Variants in ADAMTS19 observed in about 807,000 individuals in gnomAD.
ADAMTS19 encodes the protein A disintegrin and metalloproteinase with thrombospondin motifs 19.
A neutral mutation model predicts 153.3 loss-of-function variants in ADAMTS19; 93 were observed. That is an observed-to-expected ratio of 0.61 (90% confidence interval 0.51 to 0.72). ADAMTS19 has a LOEUF of 0.72. ADAMTS19 is among the 30% of genes least tolerant of loss of function. ADAMTS19 has a pLI of 0.00. For missense variants in ADAMTS19, 1,482 were observed against 1,552.1 expected (o/e 0.95, Z 0.76); for synonymous variants, 600 against 556.6 (o/e 1.08, Z -1.10).
At chr5:129,724,777 G>C (rs746023862) in intron 21 of ADAMTS19, among the ~76,000 whole-genome samples, 4 of 152,298 alleles carry the variant, frequency 2.6e-5, no homozygotes, top group Non-Finnish European at 5.9e-5. Flanking sequence ...TAGGGCATGA[G>C]AGATTGGTTG....
intron 20 of ADAMTS19, among the ~76,000 whole-genome samples, chr5:129,702,941 A>AAAAAAAAAAAAAATATAT: frequency 6.8e-5 from 2 of 29,300 alleles, no homozygotes; most frequent in African/African-American, 1.7e-4. Context: ...AAAAAAAAAA[A>AAAAAAAAAAAAAATATAT]ATATATATAT....
chr5:129,623,487 T>C (rs976197395), intron 10 of ADAMTS19, among the ~76,000 whole-genome samples: 62 of 152,326 alleles, frequency 4.1e-4, no homozygotes, highest in Non-Finnish European at 6.0e-4. Context: ...TTTCTGTGAA[T>C]GCCTCAAAGG....
chr5:129,590,935 T>C (rs186827866), intron 7 of ADAMTS19, among the ~76,000 whole-genome samples: 14 of 152,354 alleles, frequency 9.2e-5, no homozygotes, highest in Non-Finnish European at 1.3e-4. Context: ...ATTTCACCTG[T>C]GCAGTTCCTT....
chr5:129,575,930 G>A (rs1332524591), intron 7 of ADAMTS19, among the ~76,000 whole-genome samples: 5 of 151,936 alleles, frequency 3.3e-5, no homozygotes, highest in Admixed American at 3.3e-4. Context: ...AGAGGGATAA[G>A]ATGTGAATGT....
At position 129,461,216 on chromosome 5, in the gene ADAMTS19, T is replaced by A; in HGVS notation, c.206T>A (p.Val69Glu). Residue 69 changes from valine to glutamate, a missense_variant, in exon 2 of 23, where the codon GTG (valine) becomes GAG (glutamate). Coordinates refer to ENST00000274487, the MANE Select transcript of ADAMTS19 (RefSeq NM_133638.6). This position sits in a 1 kb window ranked among gnomAD's most constrained non-coding sequence, Gnocchi z 4.6. ...GSGGSADPGW[V>E]RGVGGGGSAR... ...GGGGGCAGCGCGGACCCGGGCTGGGTGCGCGGCGTTGGGGGCGGCGGAAGC... is the reference window on the plus strand; with the variant it reads ...GGGGGCAGCGCGGACCCGGGCTGGGAGCGCGGCGTTGGGGGCGGCGGAAGC... 7.8e-7 allele frequency: 1 copy of A among 1,280,614 alleles called. No individual in the cohort carries two copies. The highest frequency in any genetic ancestry group is 9.8e-7 in the Non-Finnish European group (1 of 1,020,128). 79.3% of individuals were successfully genotyped at this position (1,280,614 alleles called of 1,614,324 possible).
Position 129,737,204 on chromosome 5 carries a change from C to T in ADAMTS19, c.3628C>T (p.Gln1210Ter). 2 of 1,601,560 alleles carry T rather than the reference C, an allele frequency of 1.2e-6. No individual in the cohort carries two copies. Among genetic ancestry groups the T allele is most frequent in the Non-Finnish European group, 1.7e-6 (2 of 1,171,832 alleles). Residue 1210 changes from glutamine to a stop codon, truncating the protein, a stop_gained, in exon 23 of 23, where the codon CAG becomes TAG. Coordinates refer to ENST00000274487, the MANE Select transcript of ADAMTS19 (RefSeq NM_133638.6). LOFTEE classifies it high-confidence loss of function. Reference protein sequence around the residue: ...TCRDFYAQKLQQKS With the variant: ...TCRDFYAQKL Reference sequence around the variant, plus strand: ...CAGGGACTTCTATGCCCAAAAGCTGCAGCAGAAGAGTTGACCTCTAGCAGG... The same window carrying T: ...CAGGGACTTCTATGCCCAAAAGCTGTAGCAGAAGAGTTGACCTCTAGCAGG...
At chr5:129,484,005 T>C (rs931750715) in intron 2 of ADAMTS19, among the ~76,000 whole-genome samples, 6 of 152,170 alleles carry the variant, frequency 3.9e-5, no homozygotes, top group African/African-American at 1.4e-4. Context: ...CTAACTGTAG[T>C]TAAGAGTGCC....
intron 3 of ADAMTS19, among the ~76,000 whole-genome samples, chr5:129,512,303 T>C (rs575712527): frequency 6.6e-6 from 1 of 152,134 alleles, no homozygotes; most frequent in East Asian, 1.9e-4. Flanking sequence ...ATAAGTATTG[T>C]GGAGATTATT....
chr5:129,643,191 ATATATT>A (rs1752883526), intron 11 of ADAMTS19, among the ~76,000 whole-genome samples: 1 of 151,746 alleles, frequency 6.6e-6, no homozygotes, highest in African/African-American at 2.4e-5. Context: ...ACACACAAGT[ATATATT>A]TTCAAACTCA....
At chr5:129,578,576 C>T (rs1749325834) in intron 7 of ADAMTS19, among the ~76,000 whole-genome samples, 1 of 151,868 alleles carries the variant, frequency 6.6e-6, no homozygotes, top group African/African-American at 2.4e-5. Flanking sequence ...GGTATTTCTC[C>T]TTATGCTATC....
chr5:129,549,777 AAC>A (rs138223574), intron 6 of ADAMTS19, among the ~76,000 whole-genome samples: 2 of 149,642 alleles, frequency 1.3e-5, no homozygotes, highest in African/African-American at 2.4e-5. Context: ...AACATTTACC[AAC>A]ACACACACAC....
At chr5:129,620,126 G>A (rs1464545063) in intron 8 of ADAMTS19, among the ~76,000 whole-genome samples, 1 of 151,788 alleles carries the variant, frequency 6.6e-6, no homozygotes, top group African/African-American at 2.4e-5. Flanking sequence ...AGGATAATTT[G>A]TGCTATATGA....
chr5:129,573,088 A>G (rs1753970827), intron 7 of ADAMTS19, among the ~76,000 whole-genome samples: 1 of 152,040 alleles, frequency 6.6e-6, no homozygotes, highest in Admixed American at 6.6e-5. Flanking sequence ...AATCCATCCC[A>G]GACTTCACCT....
At chr5:129,501,701 T>C (rs764671948) in intron 2 of ADAMTS19, among the ~76,000 whole-genome samples, 13 of 151,886 alleles carry the variant, frequency 8.6e-5, no homozygotes, top group Non-Finnish European at 1.9e-4. Flanking sequence ...AGCTGACTTA[T>C]TTTTTTTCAA....
At chr5:129,480,335 C>T (rs1222069791) in intron 2 of ADAMTS19, among the ~76,000 whole-genome samples, 1 of 152,126 alleles carries the variant, frequency 6.6e-6, no homozygotes, top group Non-Finnish European at 1.5e-5. Context: ...ACTACTTTGA[C>T]ATAAGCCAAA....
chr5:129,587,115 A>G (rs1052033111), intron 7 of ADAMTS19, among the ~76,000 whole-genome samples: 1 of 152,128 alleles, frequency 6.6e-6, no homozygotes, highest in Non-Finnish European at 1.5e-5. Context: ...TTGCAGTTAC[A>G]TTATCTATTG....
In ADAMTS19 at chr5:129,465,723, C is replaced by T. The variant is rs367882922; in HGVS notation, c.747+3966C>T. Reference sequence around the variant, plus strand: ...AGAAATAAACACATAACGAGGAGAACCAGTGGAATCAGTCAACATCCAAAT... The same window carrying T: ...AGAAATAAACACATAACGAGGAGAATCAGTGGAATCAGTCAACATCCAAAT... On this transcript the variant is annotated intron_variant, in intron 2 of 22. Transcript: ENST00000274487. 2.1e-4 allele frequency among the ~76,000 whole-genome samples: 32 copies of T among 152,176 alleles called. No homozygotes were observed. The Middle Eastern group carries it at 0.01, about 49-fold the overall frequency.
At chr5:129,716,030 C>T (rs1756711422) in intron 21 of ADAMTS19, among the ~76,000 whole-genome samples, 1 of 151,616 alleles carries the variant, frequency 6.6e-6, no homozygotes, top group South Asian at 2.1e-4. Context: ...AGAGAGAAAT[C>T]ATGAGAAACA....
At chr5:129,650,128 G>A (rs1753251204) in intron 13 of ADAMTS19, among the ~76,000 whole-genome samples, 1 of 152,148 alleles carries the variant, frequency 6.6e-6, no homozygotes, top group African/African-American at 2.4e-5. Context: ...CCAAGATGGT[G>A]CCACTTTACT....
Sources: gnomAD v4.1 joint callset for allele counts (sites outside exome capture counted in the v4.1 genomes callset) on GRCh38, gnomAD v4.1.1 for gene constraint, Gnocchi (gnomAD v3.1) non-coding constraint, MANE v1.5 for transcripts, NCBI Gene and HGNC (gene_info 2026-07-23, HGNC 2026-07-21) for gene names.